CDH18: variants seen among roughly 807,000 people sequenced by gnomAD.
The protein encoded by CDH18 is cadherin 18, also known as cadherin-18.
CDH18 carries 31 observed loss-of-function variants against 67.9 expected under a neutral mutation model. That is an observed-to-expected ratio of 0.46 (90% CI 0.34 to 0.62). CDH18 has a LOEUF of 0.62. CDH18 is among the 20% of genes least tolerant of loss of function. The pLI is 0.01. For synonymous variants in CDH18, 362 were observed against 347.2 expected (o/e 1.04, Z -0.48); for missense variants, 890 against 975.5 (o/e 0.91, Z 1.17).
At chr5:20,002,181 A>T (rs78688680) in intron 2 of CDH18, among the ~76,000 whole-genome samples, 1,754 of 152,354 alleles carry the variant, frequency 0.012, 41 homozygotes, top group African/African-American at 0.04. Flanking sequence ...TACTTCACAC[A>T]TTAAAGGGAT....
chr5:19,836,045 G>A (rs374448533), intron 3 of CDH18, among the ~76,000 whole-genome samples: 4 of 152,162 alleles, frequency 2.6e-5, no homozygotes, highest in South Asian at 4.1e-4. Context: ...AAAACTAGGC[G>A]AGCCTGAAAA....
intron 5 of CDH18, among the ~76,000 whole-genome samples, chr5:19,638,544 AAGTTTT>A (rs1753491775): frequency 1.4e-5 from 1 of 71,698 alleles, no homozygotes; most frequent in African/African-American, 3.9e-5. Flanking sequence ...AGTCTTTACT[AAGTTTT>A]TTTTTTCTTT....
At chr5:20,241,861 A>AAT (rs1554106494) in intron 2 of CDH18, among the ~76,000 whole-genome samples, 45 of 127,280 alleles carry the variant, frequency 3.5e-4, no homozygotes, top group South Asian at 9.9e-4. Context: ...CAAAAAAAAA[A>AAT]AAAATAAAAT....
intron 3 of CDH18, among the ~76,000 whole-genome samples, chr5:19,799,413 T>G (rs961395251): frequency 2.0e-5 from 3 of 149,002 alleles, no homozygotes; most frequent in East Asian, 4.0e-4. Context: ...TTAACAGGAA[T>G]GTTCCCATGT....
intron 1 of CDH18, among the ~76,000 whole-genome samples, chr5:20,397,911 T>A (rs898656594): frequency 1.3e-5 from 2 of 152,106 alleles, no homozygotes; most frequent in African/African-American, 4.8e-5. Flanking sequence ...AGCAAAAAAA[T>A]TACAGTTGTG....
At chr5:20,252,596 G>T (rs1353399179) in intron 2 of CDH18, among the ~76,000 whole-genome samples, 1 of 151,912 alleles carries the variant, frequency 6.6e-6, no homozygotes, top group African/African-American at 2.4e-5. Context: ...TCTAAAAGTT[G>T]GCATAATGTC....
At chr5:20,520,844 A>G (rs557690347) in intron 1 of CDH18, among the ~76,000 whole-genome samples, 1 of 152,220 alleles carries the variant, frequency 6.6e-6, no homozygotes, top group Admixed American at 6.5e-5. Flanking sequence ...TAAAATAAAT[A>G]TACAAATATA....
At chr5:19,547,702 G>A (rs1401639231) in intron 8 of CDH18, among the ~76,000 whole-genome samples, 2 of 152,076 alleles carry the variant, frequency 1.3e-5, no homozygotes, top group Non-Finnish European at 2.9e-5. Flanking sequence ...ATACTGCTAG[G>A]CATGCATCTT....
intron 5 of CDH18, among the ~76,000 whole-genome samples, chr5:19,633,671 C>T (rs1251372397): frequency 6.6e-6 from 1 of 151,890 alleles, no homozygotes; most frequent in African/African-American, 2.4e-5. Context: ...TCTCTCTCAC[C>T]CAGGCTGGAG....
chr5:19,874,753 C>T (rs554541603), intron 2 of CDH18, among the ~76,000 whole-genome samples: 10 of 152,262 alleles, frequency 6.6e-5, no homozygotes, highest in African/African-American at 2.4e-4. Context: ...TGCTGCAACT[C>T]ATTTATAGGA....
intron 5 of CDH18, among the ~76,000 whole-genome samples, chr5:19,674,639 A>T (rs1759219089): frequency 6.6e-6 from 1 of 152,170 alleles, no homozygotes; most frequent in Admixed American, 6.6e-5. Flanking sequence ...TCAACTATTA[A>T]TATGCATTAA....
chr5:20,457,708 G>A (rs1338582102), intron 1 of CDH18, among the ~76,000 whole-genome samples: 1 of 152,136 alleles, frequency 6.6e-6, no homozygotes, highest in East Asian at 1.9e-4. Flanking sequence ...ATGATAGCAA[G>A]CCAGTAGATC....
chr5:19,804,707 T>A (rs114187505), intron 3 of CDH18, among the ~76,000 whole-genome samples: 1 of 152,278 alleles, frequency 6.6e-6, no homozygotes, highest in African/African-American at 2.4e-5. Context: ...TTGAGAAACA[T>A]GTAAATTTTC....
intron 2 of CDH18, among the ~76,000 whole-genome samples, chr5:20,004,122 A>G (rs190657607): frequency 1.3e-3 from 203 of 152,126 alleles, no homozygotes; most frequent in African/African-American, 4.8e-3. Context: ...ATTGTCCTTC[A>G]TATCTCTCAT....
At chr5:19,600,983 C>G (rs1460052964) in intron 6 of CDH18, among the ~76,000 whole-genome samples, 1 of 152,112 alleles carries the variant, frequency 6.6e-6, no homozygotes, top group Non-Finnish European at 1.5e-5. Context: ...CATGAGGGAA[C>G]AAGTGACTTA....
At chr5:20,247,893 T>G (rs922968793) in intron 2 of CDH18, among the ~76,000 whole-genome samples, 1 of 152,140 alleles carries the variant, frequency 6.6e-6, no homozygotes, top group Admixed American at 6.5e-5. Context: ...ACAAGGAATT[T>G]TAATTAAAGT....
chr5:20,290,500 C>T (rs1297890171), intron 1 of CDH18, among the ~76,000 whole-genome samples: 1 of 152,100 alleles, frequency 6.6e-6, no homozygotes, highest in Non-Finnish European at 1.5e-5. Flanking sequence ...GTGAATAAAG[C>T]ATAATCCCTA....
At chr5:19,777,510 T>C (rs956581984) in intron 3 of CDH18, among the ~76,000 whole-genome samples, 4 of 152,090 alleles carry the variant, frequency 2.6e-5, no homozygotes, top group African/African-American at 9.7e-5. Flanking sequence ...AGAAGAAAGA[T>C]TCACACAGTT....
intron 6 of CDH18, among the ~76,000 whole-genome samples, chr5:19,592,251 A>T (rs1745271397): frequency 6.6e-6 from 1 of 152,018 alleles, no homozygotes; most frequent in Non-Finnish European, 1.5e-5. Flanking sequence ...TGTTAATTTT[A>T]TACTCTCATT....
Sources: gnomAD v4.1 joint callset for allele counts (sites outside exome capture counted in the v4.1 genomes callset) on GRCh38, gnomAD v4.1.1 for gene constraint, MANE v1.5 for transcripts, NCBI Gene and HGNC (gene_info 2026-07-23, HGNC 2026-07-21) for gene names.